TOM1L2: variants seen among roughly 807,000 people sequenced by gnomAD.
The protein encoded by TOM1L2 is target of myb1 like 2 membrane trafficking protein.
Under a neutral mutation model 67.9 loss-of-function variants are expected in TOM1L2, and 31 were observed. That is an observed-to-expected ratio of 0.46 (90% CI 0.34 to 0.62). TOM1L2 has a LOEUF of 0.62. TOM1L2 is among the 20% of genes least tolerant of loss of function. TOM1L2 has a pLI of 0.01. For synonymous variants in TOM1L2, 256 were observed against 254.0 expected, an observed-to-expected ratio of 1.01 and a Z score of -0.07; for missense variants, 606 against 663.5, an observed-to-expected ratio of 0.91 and a Z score of 0.95.
At chr17:17,929,007 T>C (rs907548294) in intron 1 of TOM1L2, among the ~76,000 whole-genome samples, 3 of 152,214 alleles carry the variant, frequency 2.0e-5, no homozygotes. Flanking sequence ...TTTGCAAGCT[T>C]GTAACAAGTC....
chr17:17,896,449 T>C (rs1385747670), intron 3 of TOM1L2, among the ~76,000 whole-genome samples: 6 of 152,162 alleles, frequency 3.9e-5, no homozygotes, highest in Non-Finnish European at 7.3e-5. Context: ...AGGGAATACA[T>C]GCTTAGTTTC....
chr17:17,896,066 C>T (rs2038552842), intron 3 of TOM1L2, among the ~76,000 whole-genome samples: 1 of 152,120 alleles, frequency 6.6e-6, no homozygotes, highest in Admixed American at 6.5e-5. Flanking sequence ...GCCAAGGAGG[C>T]ATTTTCCTTT....
At chr17:17,893,901 C>T in intron 3 of TOM1L2, 91 bp from the exon 4 acceptor site, 1 of 1,353,770 alleles carries the variant, frequency 7.4e-7, no homozygotes, top group South Asian at 1.4e-5. Flanking sequence ...TCCACCATCC[C>T]CTCTGTCTTG....
At chr17:17,912,332 G>A (rs1264209128) in intron 1 of TOM1L2, among the ~76,000 whole-genome samples, 27 of 150,898 alleles carry the variant, frequency 1.8e-4, no homozygotes, top group African/African-American at 5.8e-4. Flanking sequence ...GGGCGGAGAC[G>A]CTCCTCACTT....
At chr17:17,896,963 G>C (rs777631998) in intron 3 of TOM1L2, among the ~76,000 whole-genome samples, 8 of 152,054 alleles carry the variant, frequency 5.3e-5, no homozygotes, top group Non-Finnish European at 1.2e-4. Flanking sequence ...GTGTAGGGAC[G>C]GCAGCCCTGC....
chr17:17,871,186 C>A (rs140171445), intron 7 of TOM1L2, among the ~76,000 whole-genome samples: 1 of 151,300 alleles, frequency 6.6e-6, no homozygotes, highest in South Asian at 2.1e-4. Flanking sequence ...CTGGCTAATA[C>A]GGTGAAACCC....
At chr17:17,904,485 T>G (rs2038998788) in intron 2 of TOM1L2, among the ~76,000 whole-genome samples, 1 of 152,090 alleles carries the variant, frequency 6.6e-6, no homozygotes, top group Admixed American at 6.5e-5. Flanking sequence ...ATCAGCAGGG[T>G]TGAAGAGCTC....
chr17:17,950,054 A>G (rs1392624063), intron 1 of TOM1L2, among the ~76,000 whole-genome samples: 1 of 151,612 alleles, frequency 6.6e-6, no homozygotes, highest in African/African-American at 2.4e-5. Flanking sequence ...TTTGTATTTT[A>G]GTAGAGATGG....
At chr17:17,966,242 A>G (rs1341360012) in intron 1 of TOM1L2, among the ~76,000 whole-genome samples, 1 of 152,214 alleles carries the variant, frequency 6.6e-6, no homozygotes, top group Non-Finnish European at 1.5e-5. Flanking sequence ...CAATCTTGCA[A>G]CTACTTTCTA....
At chr17:17,908,214 T>C (rs2039184018) in intron 1 of TOM1L2, among the ~76,000 whole-genome samples, 1 of 152,226 alleles carries the variant, frequency 6.6e-6, no homozygotes, top group South Asian at 2.1e-4. Context: ...AAGGACAGTA[T>C]TTTCAACAAA....
intron 1 of TOM1L2, among the ~76,000 whole-genome samples, chr17:17,942,978 A>G (rs570472193): frequency 3.9e-5 from 6 of 152,300 alleles, no homozygotes; most frequent in African/African-American, 1.4e-4. Context: ...TAATTATTAT[A>G]AAGTAATATG....
intron 7 of TOM1L2, among the ~76,000 whole-genome samples, chr17:17,875,980 T>C (rs1441630941): frequency 6.6e-6 from 1 of 152,262 alleles, no homozygotes; most frequent in Non-Finnish European, 1.5e-5. Context: ...ATACACCATC[T>C]GCTACTTGGA....
chr17:17,960,086 A>T (rs905151144), intron 1 of TOM1L2, among the ~76,000 whole-genome samples: 1 of 152,266 alleles, frequency 6.6e-6, no homozygotes, highest in Admixed American at 6.5e-5. Context: ...GGACACTTGT[A>T]CACTGAGTTA....
At chr17:17,847,864 G>A (rs1043959890) in intron 14 of TOM1L2, 81 bp from the exon 15 acceptor site, 22 of 1,588,786 alleles carry the variant, frequency 1.4e-5, no homozygotes, top group South Asian at 7.8e-5. Flanking sequence ...TCCCCAGCCC[G>A]TTTCCTCCTC....
intron 1 of TOM1L2, among the ~76,000 whole-genome samples, chr17:17,920,335 A>ATTTTTTTT (rs771122365): frequency 6.4e-5 from 6 of 93,268 alleles, no homozygotes; most frequent in African/African-American, 1.9e-4. Flanking sequence ...AATGTTCAAT[A>ATTTTTTTT]TTTTTTTTTT....
Position 17,862,740 on chromosome 17 carries a change from T to C in TOM1L2, c.1193A>G (p.Gln398Arg). Residue 398 changes from glutamine to arginine, a missense_variant, in exon 11 of 15, where the codon CAG (glutamine) becomes CGG (arginine). Transcript: ENST00000379504. Reference sequence around the variant, plus strand: ...AAGGGGCCCCACATACGTCTTGCGCTGCTCAGCCAAGGAGTTTCCTCTCGT... The same window carrying C: ...AAGGGGCCCCACATACGTCTTGCGCCGCTCAGCCAAGGAGTTTCCTCTCGT... ...AQTRGNSLAE[Q>R]RKTVTYEDPQ... is the part of the protein sequence containing the mutation. 2 of 1,613,328 alleles carry C rather than the reference T, an allele frequency of 1.2e-6. No individual in the cohort carries two copies. The highest frequency in any genetic ancestry group is 1.7e-6 in the Non-Finnish European group (2 of 1,180,006).
intron 12 of TOM1L2, among the ~76,000 whole-genome samples, chr17:17,860,921 C>T (rs1299458169): frequency 6.6e-6 from 1 of 152,240 alleles, no homozygotes; most frequent in African/African-American, 2.4e-5. Flanking sequence ...CCCAACTGCA[C>T]CAGCTCTGTA....
chr17:17,868,404 T>C (rs2036971631), intron 8 of TOM1L2, among the ~76,000 whole-genome samples: 1 of 152,224 alleles, frequency 6.6e-6, no homozygotes, highest in Non-Finnish European at 1.5e-5. Flanking sequence ...TCTGTCCCAC[T>C]CACCCTAACT....
chr17:17,961,324 A>T (rs2041667529), intron 1 of TOM1L2, among the ~76,000 whole-genome samples: 1 of 152,060 alleles, frequency 6.6e-6, no homozygotes, highest in South Asian at 2.1e-4. Flanking sequence ...TTGGGAGGCC[A>T]AGATGGGAGG....
Sources: allele counts gnomAD v4.1 joint callset (sites outside exome capture counted in the v4.1 genomes callset), GRCh38; gene constraint gnomAD v4.1.1; transcripts MANE v1.5; gene names NCBI Gene and HGNC (gene_info 2026-07-23, HGNC 2026-07-21).